The following L2HGDH variants were observed in gnomAD, a reference collection of about 807,000 sequenced individuals.
The protein encoded by L2HGDH is L-2-hydroxyglutarate dehydrogenase, also known as L-2-hydroxyglutarate dehydrogenase, mitochondrial.
A neutral mutation model predicts 51.5 loss-of-function variants in L2HGDH; 34 were observed. The observed-to-expected ratio is 0.66, with a 90% CI of 0.50 to 0.88. The LOEUF (loss-of-function observed/expected upper bound fraction) is 0.88. Ranked by LOEUF, L2HGDH falls within the 40% of genes least tolerant of loss-of-function variation. The pLI, the probability that L2HGDH is intolerant of heterozygous loss-of-function variation, is 0.00. For missense variants in L2HGDH, 558 were observed against 571.9 expected (o/e 0.98, Z 0.25); for synonymous variants, 198 against 197.9 (o/e 1.00, Z -0.01).
At chr14:50,253,630 T>C (rs1387511228) in intron 9 of L2HGDH, among the ~76,000 whole-genome samples, 1 of 152,082 alleles carries the variant, frequency 6.6e-6, no homozygotes, top group Non-Finnish European at 1.5e-5. Flanking sequence ...GTTTGGAGGC[T>C]CCTCAAAAAG....
chr14:50,295,764 A>G (rs988473323), intron 3 of L2HGDH, among the ~76,000 whole-genome samples: 11 of 131,450 alleles, frequency 8.4e-5, no homozygotes, highest in Non-Finnish European at 1.3e-4. Flanking sequence ...TTTTTTTTTA[A>G]TTTCGCTCTT....
In L2HGDH at chr14:50,310,080, C is replaced by T. The variant is rs142855866; in HGVS notation, c.140+1931G>A. Among the ~76,000 whole-genome samples, 395 of 152,110 alleles carry T rather than the reference C, an allele frequency of 2.6e-3. 5 individuals are homozygous for T. Among genetic ancestry groups the T allele is most frequent in the African/African-American group, 8.1e-3 (338 of 41,488 alleles). On this transcript the variant is annotated intron_variant, in intron 1 of 9. Coordinates refer to ENST00000267436, the MANE Select transcript of L2HGDH (RefSeq NM_024884.3). Reference sequence around the variant, plus strand: ...ATAGAACTAAACACACACACACACACGAATATATGTAAAACTGATGAAAGC... The same window carrying T: ...ATAGAACTAAACACACACACACACATGAATATATGTAAAACTGATGAAAGC...
At chr14:50,260,865 T>C (rs1595076886) in intron 9 of L2HGDH, among the ~76,000 whole-genome samples, 1 of 152,056 alleles carries the variant, frequency 6.6e-6, no homozygotes, top group Non-Finnish European at 1.5e-5. Context: ...CCTGTAATCC[T>C]AGCACTTTGG....
At chr14:50,252,798 A>T (rs988679440) in intron 9 of L2HGDH, among the ~76,000 whole-genome samples, 2 of 152,128 alleles carry the variant, frequency 1.3e-5, no homozygotes, top group African/African-American at 4.8e-5. Context: ...AGCAAATATT[A>T]TTAGAGCTAA....
At chr14:50,295,055 G>C (rs2029951946) in intron 3 of L2HGDH, among the ~76,000 whole-genome samples, 1 of 152,080 alleles carries the variant, frequency 6.6e-6, no homozygotes, top group Non-Finnish European at 1.5e-5. Context: ...TAAGTGAAAA[G>C]ACAACCCACA....
chr14:50,249,962 C>T (rs1888249662), intron 9 of L2HGDH, among the ~76,000 whole-genome samples: 1 of 128,774 alleles, frequency 7.8e-6, no homozygotes, highest in Non-Finnish European at 1.6e-5. Flanking sequence ...AGTGAAGTGG[C>T]GTGACCTCGG....
intron 8 of L2HGDH, among the ~76,000 whole-genome samples, chr14:50,266,441 G>C (rs761458888): frequency 1.3e-5 from 2 of 152,214 alleles, no homozygotes; most frequent in Middle Eastern, 6.8e-3. Context: ...CCAGGAGTTC[G>C]AGACCAGGCT....
chr14:50,269,082 C>A, intron 7 of L2HGDH, 81 bp downstream of exon 7: 10 of 1,170,926 alleles, frequency 8.5e-6, no homozygotes, highest in Non-Finnish European at 1.3e-5. Flanking sequence ...TTATTTCTGA[C>A]CCAAGTGAAA....
intron 5 of L2HGDH, 131 bp downstream of exon 5, chr14:50,283,740 T>C: frequency 1.4e-6 from 1 of 708,444 alleles, no homozygotes; most frequent in Non-Finnish European, 2.4e-6. Flanking sequence ...TATTATGTAT[T>C]ATTCTACTAT....
At chr14:50,303,905 C>A (rs2030577400) in intron 1 of L2HGDH, among the ~76,000 whole-genome samples, 1 of 151,632 alleles carries the variant, frequency 6.6e-6, no homozygotes, top group Non-Finnish European at 1.5e-5. Context: ...GCTGGTTGCC[C>A]AATCTGCTCT....
intron 5 of L2HGDH, among the ~76,000 whole-genome samples, chr14:50,281,742 A>G (rs1424297053): frequency 1.3e-5 from 2 of 152,194 alleles, no homozygotes; most frequent in Non-Finnish European, 2.9e-5. Flanking sequence ...TGTTCAAACT[A>G]GTCTAATTGT....
chr14:50,272,437 G>A (rs549784558), intron 6 of L2HGDH, among the ~76,000 whole-genome samples: 20 of 152,314 alleles, frequency 1.3e-4, no homozygotes, highest in Non-Finnish European at 2.5e-4. Context: ...CAAATCTGAT[G>A]GTAATCGAAG....
intron 9 of L2HGDH, among the ~76,000 whole-genome samples, chr14:50,261,686 A>G (rs113619806): frequency 7.9e-5 from 12 of 152,104 alleles, no homozygotes; most frequent in African/African-American, 2.9e-4. Context: ...ATCTCACTAT[A>G]TTGCCCAGGC....
At chr14:50,264,064 G>A (rs1396046629) in intron 9 of L2HGDH, among the ~76,000 whole-genome samples, 2 of 150,832 alleles carry the variant, frequency 1.3e-5, no homozygotes, top group Admixed American at 6.6e-5. Flanking sequence ...GTGAGCCGCC[G>A]TGCCAGTCTT....
At chr14:50,286,322 TTATGGGGTAGC>T (rs1439999070) in intron 4 of L2HGDH, among the ~76,000 whole-genome samples, 1 of 152,146 alleles carries the variant, frequency 6.6e-6, no homozygotes, top group African/African-American at 2.4e-5. Context: ...GGCATACCGC[TTATGGGGTAGC>T]CCTGCTCTGC....
intron 3 of L2HGDH, 32 bp downstream of exon 3, chr14:50,301,985 A>C: frequency 1.2e-6 from 2 of 1,611,068 alleles, no homozygotes; most frequent in South Asian, 2.2e-5. Context: ...TGCTAGTTGG[A>C]AATTAGTCAA....
At chr14:50,277,652 T>C (rs1446193810) in intron 6 of L2HGDH, among the ~76,000 whole-genome samples, 1 of 151,758 alleles carries the variant, frequency 6.6e-6, no homozygotes, top group Non-Finnish European at 1.5e-5. Flanking sequence ...GGCGGGCGCC[T>C]GTCCCAGCTA....
intron 3 of L2HGDH, among the ~76,000 whole-genome samples, chr14:50,297,381 C>A (rs1017147065): frequency 3.3e-5 from 5 of 151,074 alleles, no homozygotes; most frequent in African/African-American, 1.2e-4. Context: ...GACACACACA[C>A]ACACATACAC....
intron 6 of L2HGDH, among the ~76,000 whole-genome samples, chr14:50,270,994 C>T (rs1418981272): frequency 6.6e-6 from 1 of 151,992 alleles, no homozygotes. Flanking sequence ...GTTTTAAGAC[C>T]TTTGAAGTCA....
Sources: allele counts gnomAD v4.1 joint callset (sites outside exome capture counted in the v4.1 genomes callset), GRCh38; gene constraint gnomAD v4.1.1; transcripts MANE v1.5; gene names NCBI Gene and HGNC (gene_info 2026-07-23, HGNC 2026-07-21).